FAT4: variants seen among roughly 807,000 people sequenced by gnomAD.
FAT4 encodes the protein protocadherin Fat 4.
A neutral mutation model predicts 303.9 loss-of-function variants in FAT4; 84 were observed. That is an observed-to-expected ratio of 0.28 (90% CI 0.23 to 0.33). FAT4 has a LOEUF of 0.33. Ranked by LOEUF, FAT4 falls within the 10% of genes least tolerant of loss-of-function variation. The pLI is 1.00. For synonymous variants in FAT4, 2,307 were observed against 2,298.8 expected (o/e 1.00, Z -0.10); for missense variants, 6,005 against 6,146.8 (o/e 0.98, Z 0.77).
At chr4:125,334,117 A>G (rs1731485058) in intron 2 of FAT4, among the ~76,000 whole-genome samples, 1 of 152,120 alleles carries the variant, frequency 6.6e-6, no homozygotes, top group Admixed American at 6.5e-5. Context: ...AGTATAGTCA[A>G]CCTATACTCA....
chr4:125,393,198 G>A, intron 2 of FAT4, among the ~76,000 whole-genome samples: 1 of 152,092 alleles, frequency 6.6e-6, no homozygotes, highest in Non-Finnish European at 1.5e-5. Context: ...ATTAAAATAT[G>A]TTTAGATTTT....
rs1169858984 is a variant in FAT4, at chr4:125,446,529, C to A, written c.7436C>A (p.Ser2479Tyr). The A allele has an allele frequency of 1.2e-6, 2 of 1,610,054 alleles. No individual in the cohort carries two copies. Among genetic ancestry groups the A allele is most frequent in the African/African-American group, 2.7e-5 (2 of 74,804 alleles). The change falls in exon 9 of 18, where the codon TCT becomes TAT. Residue 2479 changes from serine to tyrosine, a missense_variant. Transcript: ENST00000394329. ...CACCCATATGTCACTCACATCCCAT[C>A]TCCTACTCTTCCAGGTAATCAACCA... Reference protein sequence around the residue: ...QHHPYVTHIPSPTLPGSFVFA... With the variant: ...QHHPYVTHIPYPTLPGSFVFA...
intron 2 of FAT4, among the ~76,000 whole-genome samples, chr4:125,348,847 A>T (rs1732106119): frequency 6.6e-6 from 1 of 151,820 alleles, no homozygotes; most frequent in Non-Finnish European, 1.5e-5. Flanking sequence ...CACATCTTAG[A>T]GAAAACTGCA....
intron 2 of FAT4, among the ~76,000 whole-genome samples, chr4:125,347,264 T>C (rs1336711154): frequency 2.0e-5 from 3 of 150,762 alleles, no homozygotes; most frequent in Non-Finnish European, 4.4e-5. Flanking sequence ...ATATAACCTA[T>C]TTACATATTT....
At chr4:125,465,157 C>T (rs1026868021) in intron 11 of FAT4, among the ~76,000 whole-genome samples, 1 of 152,096 alleles carries the variant, frequency 6.6e-6, no homozygotes, top group Non-Finnish European at 1.5e-5. Context: ...GAAGTTGAGG[C>T]AAAACTACCC....
intron 2 of FAT4, among the ~76,000 whole-genome samples, chr4:125,327,466 C>A (rs1461558688): frequency 2.0e-5 from 3 of 152,108 alleles, no homozygotes; most frequent in African/African-American, 7.2e-5. Flanking sequence ...CTTTAAAAAA[C>A]AGCCTGGGAT....
intron 2 of FAT4, among the ~76,000 whole-genome samples, chr4:125,354,226 C>T (rs986613952): frequency 2.0e-5 from 3 of 151,632 alleles, no homozygotes; most frequent in African/African-American, 7.3e-5. Flanking sequence ...ATCGTTTTCC[C>T]TAGTCAGATC....
chr4:125,352,082 A>G (rs1732246116), intron 2 of FAT4, among the ~76,000 whole-genome samples: 2 of 151,768 alleles, frequency 1.3e-5, no homozygotes, highest in African/African-American at 4.8e-5. Flanking sequence ...CTTTTTTTAA[A>G]AAGGGATTTA....
chr4:125,344,248 T>G (rs1360767496), intron 2 of FAT4, among the ~76,000 whole-genome samples: 1 of 152,178 alleles, frequency 6.6e-6, no homozygotes, highest in African/African-American at 2.4e-5. Flanking sequence ...ATTCCCCTTT[T>G]CTGTGGTGTA....
chr4:125,386,190 C>T (rs1350252075), intron 2 of FAT4, among the ~76,000 whole-genome samples: 1 of 152,150 alleles, frequency 6.6e-6, no homozygotes, highest in Non-Finnish European at 1.5e-5. Flanking sequence ...TAAATGCCTT[C>T]TGTACCCTAG....
intron 5 of FAT4, among the ~76,000 whole-genome samples, chr4:125,409,997 A>G (rs1286395560): frequency 6.6e-6 from 1 of 151,946 alleles, no homozygotes; most frequent in East Asian, 1.9e-4. Context: ...GAAATCTCAG[A>G]ATACTATTCT....
At chr4:125,378,485 T>G (rs1170329039) in intron 2 of FAT4, among the ~76,000 whole-genome samples, 2 of 152,150 alleles carry the variant, frequency 1.3e-5, no homozygotes, top group Non-Finnish European at 2.9e-5. Flanking sequence ...TATGATTTGG[T>G]GAGCTAAGTA....
chr4:125,392,238 C>A (rs1284012373), intron 2 of FAT4, among the ~76,000 whole-genome samples: 1 of 152,066 alleles, frequency 6.6e-6, no homozygotes, highest in African/African-American at 2.4e-5. Flanking sequence ...GAACTCTAAA[C>A]ATTATTTTTA....
chr4:125,370,513 T>A (rs1275033483), intron 2 of FAT4, among the ~76,000 whole-genome samples: 1 of 152,200 alleles, frequency 6.6e-6, no homozygotes, highest in African/African-American at 2.4e-5. Flanking sequence ...AGGAAGCACA[T>A]ACATATTCAG....
Position 125,490,978 on chromosome 4 carries a change from G to A in FAT4, c.14162G>A (p.Arg4721Lys), listed in dbSNP as rs1727613945. Reference protein sequence around the residue: ...SSTFYRNSPARELHLPIRDGN... With the variant: ...SSTFYRNSPAKELHLPIRDGN... ...ACGTTCTATAGAAACAGCCCAGCAA[G>A]GGAATTGCATCTTCCTATAAGGGAT... is the stretch of plus-strand genomic sequence containing the variant. The change falls in exon 18 of 18, where the codon AGG becomes AAG. Residue 4721 changes from arginine to lysine, a missense_variant. By Grantham distance (26) the Arg-to-Lys change is conservative (BLOSUM62 2). Transcript: ENST00000394329. The A allele has an allele frequency of 1.2e-6, 2 of 1,614,090 alleles. No individual in the cohort carries two copies. Among genetic ancestry groups the A allele is most frequent in the Admixed American group, 1.7e-5 (1 of 60,008 alleles).
intron 8 of FAT4, among the ~76,000 whole-genome samples, chr4:125,440,327 G>A (rs1352367437): frequency 6.6e-6 from 1 of 151,346 alleles, no homozygotes; most frequent in Non-Finnish European, 1.5e-5. Flanking sequence ...CTAAAAAAAG[G>A]CCCTGTCAGA....
rs1735024539 is a variant in FAT4, at chr4:125,415,653, G to A, written c.6690G>A (p.Gln2230=). ...EKTPTYHLTV[Q]ATDRGSTPRT... ...CCCCTACCTACCATTTAACTGTTCAGGCAACAGATCGAGGCAGCACACCCA... is the reference window on the plus strand; with the variant it reads ...CCCCTACCTACCATTTAACTGTTCAAGCAACAGATCGAGGCAGCACACCCA... Residue 2230 remains glutamine (Q), a synonymous_variant, in exon 6 of 18, where the codon CAG becomes CAA. Coordinates refer to ENST00000394329, the MANE Select transcript of FAT4 (RefSeq NM_001291303.3). 6.2e-7 allele frequency: 1 copy of A among 1,613,894 alleles called. No individual in the cohort carries two copies. Among genetic ancestry groups the A allele is most frequent in the Non-Finnish European group, 8.5e-7 (1 of 1,179,988 alleles).
At chr4:125,394,001 T>A (rs1364981581) in intron 2 of FAT4, 8 of 780,022 alleles carry the variant, frequency 1.0e-5, no homozygotes, top group Non-Finnish European at 1.9e-5. Context: ...CTGAAGTGTT[T>A]ATTGTAAGTC....
intron 14 of FAT4, among the ~76,000 whole-genome samples, chr4:125,478,180 A>G (rs1727099983): frequency 6.6e-6 from 1 of 152,208 alleles, no homozygotes; most frequent in Non-Finnish European, 1.5e-5. Flanking sequence ...AGCTAGGAAT[A>G]CTTTCTAATG....
Sources: allele counts gnomAD v4.1 joint callset (sites outside exome capture counted in the v4.1 genomes callset), GRCh38; gene constraint gnomAD v4.1.1; transcripts MANE v1.5; gene names NCBI Gene and HGNC (gene_info 2026-07-23, HGNC 2026-07-21).